Variants in NNT observed in about 807,000 individuals in gnomAD.
NNT encodes the protein NAD(P) transhydrogenase, mitochondrial.
A neutral mutation model predicts 104.8 loss-of-function variants in NNT; 50 were observed. The observed-to-expected ratio is 0.48, with a 90% confidence interval of 0.38 to 0.60. The LOEUF (loss-of-function observed/expected upper bound fraction) is 0.60. NNT is among the 20% of genes least tolerant of loss of function. The pLI, the probability that NNT is intolerant of heterozygous loss-of-function variation, is 0.00. For missense variants in NNT, 1,131 were observed against 1,330.7 expected (o/e 0.85, Z 2.33); for synonymous variants, 461 against 490.4 (o/e 0.94, Z 0.79).
At chr5:43,656,159 A>G in intron 15 of NNT, 86 bp downstream of exon 15, 1 of 1,180,356 alleles carries the variant, frequency 8.5e-7, no homozygotes, top group Non-Finnish European at 1.2e-6. Context: ...ATACATTAAC[A>G]GGGCTGGGCG....
intron 17 of NNT, among the ~76,000 whole-genome samples, chr5:43,665,510 T>G (rs1018184953): frequency 7.2e-5 from 11 of 152,172 alleles, no homozygotes; most frequent in East Asian, 1.9e-4. Context: ...ATTTAACCCT[T>G]AGTGGACACA....
intron 17 of NNT, among the ~76,000 whole-genome samples, chr5:43,671,790 C>T (rs1741109122): frequency 6.6e-6 from 1 of 152,038 alleles, no homozygotes; most frequent in Non-Finnish European, 1.5e-5. Flanking sequence ...AGGAGTATCT[C>T]TGTGGTATTC....
intron 11 of NNT, among the ~76,000 whole-genome samples, chr5:43,649,879 A>C (rs1739661941): frequency 1.3e-5 from 2 of 152,220 alleles, no homozygotes; most frequent in African/African-American, 2.4e-5. Flanking sequence ...GCAATGGGTC[A>C]GATATGAGAG....
intron 1 of NNT, 87 bp from the exon 2 acceptor site, chr5:43,609,056 G>T (rs1163464365): frequency 3.2e-6 from 2 of 616,348 alleles, no homozygotes; most frequent in Non-Finnish European, 5.6e-6. Context: ...AAGCTCTTTA[G>T]ATTAGTATTT....
At chr5:43,644,167 G>A in intron 7 of NNT, 25 bp from the exon 8 acceptor site, 2 of 1,580,922 alleles carry the variant, frequency 1.3e-6, no homozygotes, top group South Asian at 1.1e-5. Context: ...AATACAAATT[G>A]TGCTGCTTTC....
chr5:43,615,802 A>T, intron 3 of NNT, 46 bp from the exon 4 acceptor site: 1 of 1,401,286 alleles, frequency 7.1e-7, no homozygotes, highest in Non-Finnish European at 9.8e-7. Context: ...TAAAAATATG[A>T]TTAAAGTATT....
rs759818822 is a variant in NNT at position 43,655,957 on chromosome 5, A to G, written c.2177A>G (p.Tyr726Cys). 1 of 1,614,186 alleles carries G rather than the reference A, an allele frequency of 6.2e-7. No individual in the cohort carries two copies. Among genetic ancestry groups the G allele is most frequent in the Non-Finnish European group, 8.5e-7 (1 of 1,180,030 alleles). ...LTCIAEYIIE[Y>C]PHFATDAAAN... Reference sequence around the variant, plus strand: ...TGCATAGCTGAGTACATTATAGAATATCCACATTTTGCTACGGATGCAGCA... The same window carrying G: ...TGCATAGCTGAGTACATTATAGAATGTCCACATTTTGCTACGGATGCAGCA... The change falls in exon 15 of 22, where the codon TAT (tyrosine) becomes TGT (cysteine). Residue 726 changes from tyrosine to cysteine, a missense_variant. Tyr to Cys is a radical substitution (Grantham distance 194). Coordinates refer to ENST00000344920, the MANE Select transcript of NNT (RefSeq NM_182977.3).
At chr5:43,704,135 C>A in intron 21 of NNT, 120 bp from the exon 22 acceptor site, 2 of 751,444 alleles carry the variant, frequency 2.7e-6, no homozygotes, top group Non-Finnish European at 4.1e-6. Flanking sequence ...AGTCCCTGCA[C>A]TAAAGAATTA....
intron 3 of NNT, 113 bp downstream of exon 3, chr5:43,613,250 T>C (rs1188386960): frequency 4.9e-6 from 4 of 811,072 alleles, no homozygotes; most frequent in Non-Finnish European, 7.6e-6. Context: ...TTTCAAACAG[T>C]GTATTTTTCT....
intron 19 of NNT, among the ~76,000 whole-genome samples, chr5:43,689,656 C>T (rs1383540852): frequency 6.6e-6 from 1 of 152,074 alleles, no homozygotes; most frequent in African/African-American, 2.4e-5. Context: ...GGTGTCCTTT[C>T]CAGACAAAAT....
intron 17 of NNT, among the ~76,000 whole-genome samples, chr5:43,671,420 A>T (rs1466987128): frequency 2.0e-5 from 3 of 152,192 alleles, no homozygotes; most frequent in Non-Finnish European, 4.4e-5. Context: ...AGTAGCTGGT[A>T]CTGGTTGTTC....
intron 17 of NNT, among the ~76,000 whole-genome samples, chr5:43,663,441 C>A (rs1433325211): frequency 6.6e-6 from 1 of 152,160 alleles, no homozygotes; most frequent in African/African-American, 2.4e-5. Flanking sequence ...AAGTCAGAAA[C>A]CAACAAATAC....
chr5:43,627,369 T>A lies in NNT; in HGVS notation c.777-831T>A, dbSNP rs545885044. Among the ~76,000 whole-genome samples, 6 of 152,330 alleles carry A rather than the reference T, an allele frequency of 3.9e-5. No individual in the cohort carries two copies. In the East Asian group the frequency reaches 7.7e-4, roughly 20 times the overall value. On this transcript the variant is annotated intron_variant, in intron 6 of 21. Coordinates refer to ENST00000344920, the MANE Select transcript of NNT (RefSeq NM_182977.3). ...CCTGATGACAAGGATGAACTGCAGC[T>A]CTTGCTAAAAATAATATAGTGTCTG...
intron 19 of NNT, among the ~76,000 whole-genome samples, chr5:43,697,150 C>T (rs1306501989): frequency 2.6e-5 from 4 of 152,150 alleles, no homozygotes; most frequent in Admixed American, 2.6e-4. Context: ...AACTGAATGC[C>T]TTTAACAGCA....
chr5:43,668,164 T>C (rs1740820101), intron 17 of NNT, among the ~76,000 whole-genome samples: 1 of 152,236 alleles, frequency 6.6e-6, no homozygotes, highest in African/African-American at 2.4e-5. Context: ...TTGTAGATTC[T>C]GGATATTAGC....
chr5:43,629,186 G>A (rs904967979), intron 7 of NNT, among the ~76,000 whole-genome samples: 26 of 151,658 alleles, frequency 1.7e-4, no homozygotes, highest in Admixed American at 9.8e-4. Flanking sequence ...AGTCCCCAAA[G>A]CCCATTATAT....
At position 43,702,622 on chromosome 5, in the gene NNT, T is replaced by C. The variant is rs753831104; in HGVS notation, c.2997T>C (p.Asp999=). 6 of 1,593,192 alleles carry C rather than the reference T, an allele frequency of 3.8e-6. No homozygotes were observed. The highest frequency in any genetic ancestry group is 4.3e-6 in the Non-Finnish European group (5 of 1,166,586). ...EMDEINHDFP[D]TDLVLVIGAN... is the part of the protein sequence containing the mutation. ...TTTCTTTTTTGTTTTATTATATAGATACTGATTTGGTCCTTGTAATTGGAG... is the reference window on the plus strand; with the variant it reads ...TTTCTTTTTTGTTTTATTATATAGACACTGATTTGGTCCTTGTAATTGGAG... The change falls in exon 21 of 22, where the codon GAT becomes GAC. Residue 999 remains aspartate (D), a splice_region_variant and synonymous_variant. Transcript: ENST00000344920.
intron 7 of NNT, among the ~76,000 whole-genome samples, chr5:43,635,789 G>T (rs934351257): frequency 6.6e-6 from 1 of 151,980 alleles, no homozygotes; most frequent in Non-Finnish European, 1.5e-5. Context: ...CAGTCAGATT[G>T]TCCTAGGGCC....
At chr5:43,692,854 A>G (rs868736770) in intron 19 of NNT, among the ~76,000 whole-genome samples, 2 of 152,260 alleles carry the variant, frequency 1.3e-5, no homozygotes, top group African/African-American at 2.4e-5. Flanking sequence ...TTGATGTTCA[A>G]ATAACTTTCT....
Sources: allele counts gnomAD v4.1 joint callset (sites outside exome capture counted in the v4.1 genomes callset), GRCh38; gene constraint gnomAD v4.1.1; transcripts MANE v1.5; gene names NCBI Gene and HGNC (gene_info 2026-07-23, HGNC 2026-07-21).